Variants in FGF13 observed in about 807,000 individuals in gnomAD.
The protein encoded by FGF13 is fibroblast growth factor homologous factor 2.
A neutral mutation model predicts 19.5 loss-of-function variants in FGF13; 2 were observed. That is an observed-to-expected ratio of 0.10 (90% confidence interval 0.04 to 0.32). The LOEUF (loss-of-function observed/expected upper bound fraction) is 0.32. FGF13 is among the 10% of genes least tolerant of loss of function. FGF13 has a pLI of 1.00. For missense variants in FGF13, 113 were observed against 192.7 expected (o/e 0.59, Z 2.45); for synonymous variants, 72 against 76.9 (o/e 0.94, Z 0.33).
At chrX:138,936,282 T>C (rs941671838) in intron 1 of FGF13, among the ~76,000 whole-genome samples, 2 of 112,228 alleles carry the variant, frequency 1.8e-5, no homozygotes, top group African/African-American at 3.2e-5. Context: ...ATCTTACTGA[T>C]GGCTGTCAAA....
At chrX:138,828,292 G>A (rs774964449) in intron 3 of FGF13, among the ~76,000 whole-genome samples, 118 of 340 alleles carry the variant, frequency 0.35, no homozygotes, top group African/African-American at 0.53. Flanking sequence ...ATTAAGGGCC[G>A]GGCGCGGTGG....
At chrX:138,830,463 C>T (rs1001162033) in intron 3 of FGF13, among the ~76,000 whole-genome samples, 3 of 111,532 alleles carry the variant, frequency 2.7e-5, no homozygotes, top group Admixed American at 9.5e-5. Context: ...TGCACGTGTC[C>T]TAGAACTTTA....
At chrX:138,747,982 C>T (rs1052312799) in intron 3 of FGF13, among the ~76,000 whole-genome samples, 2 of 110,481 alleles carry the variant, frequency 1.8e-5, no homozygotes, top group Non-Finnish European at 3.8e-5. Context: ...GGAATAGTAA[C>T]CTGAAGGGAT....
intron 3 of FGF13, among the ~76,000 whole-genome samples, chrX:138,772,521 T>C (rs780985062): frequency 1.8e-5 from 2 of 111,649 alleles, no homozygotes; most frequent in South Asian, 3.8e-4. Context: ...ATTCCTTATA[T>C]ATTTTGTATG....
intron 3 of FGF13, among the ~76,000 whole-genome samples, chrX:138,657,160 A>G (rs1029144289): frequency 9.1e-6 from 1 of 109,313 alleles, no homozygotes; most frequent in South Asian, 3.8e-4. Flanking sequence ...TCAATTTTAG[A>G]AAAAAAAAGC....
chrX:138,930,892 A>G (rs2091698231), intron 1 of FGF13, among the ~76,000 whole-genome samples: 1 of 112,410 alleles, frequency 8.9e-6, no homozygotes, highest in Non-Finnish European at 1.9e-5. Context: ...ATCCCTAGCA[A>G]CTTGGGTCAC....
At chrX:138,838,159 G>C (rs1389658260) in intron 3 of FGF13, among the ~76,000 whole-genome samples, 1 of 111,840 alleles carries the variant, frequency 8.9e-6, no homozygotes, top group African/African-American at 3.3e-5. Flanking sequence ...CTGGTGACTG[G>C]CTGGAATTCT....
chrX:139,071,661 T>C (rs776694812), intron 1 of FGF13, among the ~76,000 whole-genome samples: 1 of 111,584 alleles, frequency 9.0e-6, no homozygotes, highest in East Asian at 2.8e-4. Flanking sequence ...CAGTCCACCC[T>C]ATAATAGTAC....
At position 139,157,712 on chromosome X, in the gene FGF13, C is replaced by A. The variant is rs568779002; in HGVS notation, c.-113+45704G>T. 6.2e-5 allele frequency among the ~76,000 whole-genome samples: 7 copies of A among 112,939 alleles called. No homozygotes were observed. The South Asian group carries it at 2.5e-3, about 41-fold the overall frequency. ...AGAAAACAAAGAAAGAAAATTAGTA[C>A]CAGAAAGTGGTGTTGTTGCCACAAC... is the stretch of plus-strand genomic sequence containing the variant. On this transcript the variant is annotated intron_variant, in intron 1 of 2. Transcript: ENST00000421460.
chrX:139,076,094 C>T (rs2083330912), intron 1 of FGF13, among the ~76,000 whole-genome samples: 1 of 111,485 alleles, frequency 9.0e-6, no homozygotes, highest in Non-Finnish European at 1.9e-5. Flanking sequence ...AAACTGCTCT[C>T]TGATGATTAT....
intron 1 of FGF13, among the ~76,000 whole-genome samples, chrX:139,011,108 A>T (rs2092126124): frequency 9.0e-6 from 1 of 111,420 alleles, no homozygotes; most frequent in Non-Finnish European, 1.9e-5. Context: ...AACCAGGAAG[A>T]TACAGAATCT....
At chrX:138,646,782 T>C (rs1023912615) in intron 3 of FGF13, among the ~76,000 whole-genome samples, 2 of 111,654 alleles carry the variant, frequency 1.8e-5, no homozygotes, top group Non-Finnish European at 3.8e-5. Context: ...TAAGGAGATA[T>C]ATAAATTATT....
rs747407786 is a variant in FGF13 at position 138,796,405 on chromosome X, CT to C, written c.217+61106del. Reference sequence around the variant, plus strand: ...TCCCTGCAAAGCACATGAACTCATTCTTTTTTTATGGCTTCATAGTATTCCA... The same window carrying C: ...TCCCTGCAAAGCACATGAACTCATTCTTTTTTATGGCTTCATAGTATTCCA... On this transcript the variant is annotated intron_variant, in intron 3 of 6. Coordinates refer to the FGF13 transcript ENST00000436198. Among the ~76,000 whole-genome samples the C allele has an allele frequency of 5.4e-5, 6 of 111,927 alleles. No homozygotes were observed. The East Asian group carries it at 1.4e-3, about 26-fold the overall frequency.
Position 138,631,573 on chromosome X carries a change from T to C in FGF13, c.*1277A>G, listed in dbSNP as rs1307480521. The C allele has an allele frequency of 8.9e-6, 1 of 112,812 alleles. No homozygotes were observed. The highest frequency in any genetic ancestry group is 1.9e-5 in the Non-Finnish European group (1 of 53,316). 9.3% of individuals were successfully genotyped at this position (112,812 alleles called of 1,213,427 possible). A position where few individuals can be genotyped will look rare whatever the true frequency, so the allele number is the denominator to read the frequency against. On this transcript the variant is annotated 3_prime_UTR_variant, in exon 5 of 5. Transcript: ENST00000315930. The stretch of plus-strand genomic sequence containing the variant: ...TCAATAAATACATGTTGGAAGATTA[T>C]TCTTTGAATGAATATAAAGAGTTTA...
chrX:139,188,346 A>G (rs1460782524), intron 1 of FGF13, among the ~76,000 whole-genome samples: 2 of 112,374 alleles, frequency 1.8e-5, no homozygotes, highest in Non-Finnish European at 3.8e-5. Context: ...TATATTAAGG[A>G]TTGAGGGCGT....
intron 1 of FGF13, among the ~76,000 whole-genome samples, chrX:139,172,429 C>T (rs1018749216): frequency 9.0e-6 from 1 of 111,370 alleles, no homozygotes; most frequent in East Asian, 2.8e-4. Context: ...CATTGGCTTA[C>T]ACTTTCCATT....
At chrX:138,876,791 A>C (rs190153776) in intron 1 of FGF13, among the ~76,000 whole-genome samples, 2 of 112,292 alleles carry the variant, frequency 1.8e-5, no homozygotes, top group East Asian at 5.6e-4. Flanking sequence ...TTGAAGAAAC[A>C]AACTATGGTG....
intron 1 of FGF13, among the ~76,000 whole-genome samples, chrX:138,922,314 A>C (rs1289802799): frequency 8.9e-6 from 1 of 111,928 alleles, no homozygotes; most frequent in Non-Finnish European, 1.9e-5. Context: ...CTATAGCACA[A>C]GGCTTATATC....
chrX:138,725,550 T>A (rs987855609), intron 1 of FGF13, among the ~76,000 whole-genome samples: 1 of 111,558 alleles, frequency 9.0e-6, no homozygotes, highest in African/African-American at 3.3e-5. Flanking sequence ...TTGTTCTTCC[T>A]AAGCAGTACG....
Sources: gnomAD v4.1 joint callset for allele counts (sites outside exome capture counted in the v4.1 genomes callset) on GRCh38, gnomAD v4.1.1 for gene constraint, MANE v1.5 for transcripts, NCBI Gene and HGNC (gene_info 2026-07-23, HGNC 2026-07-21) for gene names.